P4HB: variants seen among roughly 807,000 people sequenced by gnomAD.
P4HB encodes the protein protein disulfide-isomerase.
Under a neutral mutation model 52.6 loss-of-function variants are expected in P4HB, and 20 were observed. The observed-to-expected ratio is 0.38, with a 90% CI of 0.27 to 0.55. The LOEUF is 0.55. Ranked by LOEUF, P4HB falls within the 20% of genes least tolerant of loss-of-function variation. P4HB has a pLI of 0.74. For synonymous variants in P4HB, 296 were observed against 277.9 expected (o/e 1.07, Z -0.65); for missense variants, 601 against 669.2 (o/e 0.90, Z 1.12).
Position 81,855,497 on chromosome 17 carries a change from A to C in P4HB, c.442T>G (p.Ser148Ala), listed in dbSNP as rs1339726852. Residue 148 changes from serine to alanine, a missense_variant, in exon 3 of 11, where the codon TCC becomes GCC. By Grantham distance (99) the Ser-to-Ala change is moderately conservative (BLOSUM62 1). Coordinates refer to ENST00000331483, the MANE Select transcript of P4HB (RefSeq NM_000918.4). This position sits in a 1 kb window ranked among gnomAD's most constrained non-coding sequence, Gnocchi z 4.3. ...TTLPDGAAAE[S>A]LVESSEVAVI... ...GCCACCTCGCTGGACTCCACCAAGG[A>C]CTCTGCAGCTGCGCCGTCAGGCAGG... 1 of 1,613,738 alleles carries C rather than the reference A, an allele frequency of 6.2e-7. No individual in the cohort carries two copies. The highest frequency in any genetic ancestry group is 8.5e-7 in the Non-Finnish European group (1 of 1,179,972).
At chr17:81,857,987 T>C (rs1012390705) in intron 2 of P4HB, among the ~76,000 whole-genome samples, 5 of 151,940 alleles carry the variant, frequency 3.3e-5, no homozygotes, top group Middle Eastern at 3.4e-3. Context: ...AAAGTGAACA[T>C]GAGTAAAAAA....
rs1344628063 is a variant in P4HB, at chr17:81,860,476, G to T, written c.-5C>A. 3.1e-6 allele frequency: 4 copies of T among 1,310,120 alleles called. No individual in the cohort carries two copies. The highest frequency in any genetic ancestry group is 3.9e-6 in the Non-Finnish European group (4 of 1,027,092). 81.2% of individuals were successfully genotyped at this position (1,310,120 alleles called of 1,614,324 possible). On this transcript the variant is annotated 5_prime_UTR_variant, in exon 1 of 11. Coordinates refer to ENST00000331483, the MANE Select transcript of P4HB (RefSeq NM_000918.4). The stretch of plus-strand genomic sequence containing the variant: ...CAGCAGAGCGCGGCGCAGCATGTCG[G>T]ACACGGATCAGGCGGGGCGCTTCGG...
At chr17:81,856,923 C>T (rs1234425378) in intron 2 of P4HB, among the ~76,000 whole-genome samples, 4 of 152,276 alleles carry the variant, frequency 2.6e-5, no homozygotes, top group East Asian at 1.9e-4. Context: ...GCTGGGATTA[C>T]ATGCGTGAGC....
chr17:81,860,037 C>T (rs2038973989), intron 1 of P4HB: 1 of 290,764 alleles, frequency 3.4e-6, no homozygotes, highest in East Asian at 5.8e-5. Context: ...CTCGGCAAGG[C>T]TGGACACTGG....
rs994049769 is a variant in P4HB at position 81,860,494 on chromosome 17, C to G, written c.-23G>C. ...CATGTCGGACACGGATCAGGCGGGG[C>G]GCTTCGGTTGGCGCCGCCGGGACAG... On this transcript the variant is annotated 5_prime_UTR_variant, in exon 1 of 11. Transcript: ENST00000331483. The G allele has an allele frequency of 8.0e-6, 10 of 1,251,512 alleles. No individual in the cohort carries two copies. Among genetic ancestry groups the G allele is most frequent in the South Asian group, 3.2e-5 (1 of 31,400 alleles). The allele number at this position is 1,251,512 out of a possible 1,614,324, so 77.5% of individuals were successfully genotyped here.
At chr17:81,859,567 A>T in intron 1 of P4HB, 180 bp from the exon 2 acceptor site, 1 of 610,250 alleles carries the variant, frequency 1.6e-6, no homozygotes, top group South Asian at 2.0e-5. Flanking sequence ...GGGCAATATC[A>T]GGACAGAGGC....
chr17:81,845,305 T>A (rs976394188), intron 9 of P4HB, 75 bp from the exon 10 acceptor site: 1 of 1,279,554 alleles, frequency 7.8e-7, no homozygotes, highest in Non-Finnish European at 1.1e-6. Flanking sequence ...TCCTCCTCCC[T>A]AGAGAAAGGC....
At chr17:81,859,871 C>G (rs974766530) in intron 1 of P4HB, 13 of 180,914 alleles carry the variant, frequency 7.2e-5, no homozygotes, top group Non-Finnish European at 1.5e-4. Context: ...CTGTGTCAGG[C>G]ACAAGGTTCC....
intron 4 of P4HB, among the ~76,000 whole-genome samples, chr17:81,851,371 G>C (rs1356240794): frequency 6.6e-6 from 1 of 152,260 alleles, no homozygotes; most frequent in Admixed American, 6.5e-5. Flanking sequence ...GGGCCACCCT[G>C]GCCTGGCCTG....
rs140683347 is a variant in P4HB, at chr17:81,847,334, C to G, written c.638G>C (p.Arg213Pro). 6.2e-7 allele frequency: 1 copy of G among 1,613,754 alleles called. No individual in the cohort carries two copies. The highest frequency in any genetic ancestry group is 1.3e-5 in the African/African-American group (1 of 74,922). The change falls in exon 5 of 11, where the codon CGG (arginine) becomes CCG (proline). Residue 213 changes from arginine (R) to proline (P), a missense_variant. Physicochemically the swap from Arg to Pro is moderately radical, Grantham distance 103 (BLOSUM62 -2). Transcript: ENST00000331483. ...GGTGACCTCCCCTTCAAAGTTGTTC[C>G]GGCCTTCATCAAACTGTGGACAGAA... ...VVLFKKFDEG[R>P]NNFEGEVTKE... is the part of the protein sequence containing the mutation.
At position 81,855,185 on chromosome 17, in the gene P4HB, G is replaced by A; in HGVS notation, c.581C>T (p.Ser194Phe). ...CCCATCTTTGTCGAGCTGGTATTTG[G>A]AGAACACGTCACTGTTGGAAGTGAT... ...FGITSNSDVF[S>F]KYQLDKDGVV... Residue 194 changes from serine (S) to phenylalanine (F), a missense_variant, in exon 4 of 11, where the codon TCC becomes TTC. By Grantham distance (155) the Ser-to-Phe change is radical (BLOSUM62 -2). Transcript: ENST00000331483. The surrounding 1 kb of genome is among the most constrained non-coding windows in gnomAD (Gnocchi z 4.3). 1 of 1,614,094 alleles carries A rather than the reference G, an allele frequency of 6.2e-7. No homozygotes were observed. Among genetic ancestry groups the A allele is most frequent in the South Asian group, 1.1e-5 (1 of 91,088 alleles).
At chr17:81,860,036 G>A (rs922729426) in intron 1 of P4HB, 2 of 288,766 alleles carry the variant, frequency 6.9e-6, no homozygotes, top group African/African-American at 4.4e-5. Context: ...ACTCGGCAAG[G>A]CTGGACACTG....
Position 81,847,274 on chromosome 17 carries a change from T to A in P4HB, c.698A>T (p.Gln233Leu). ...ENLLDFIKHN[Q>L]LPLVIEFTEQ... ...GGTGAACTCGATGACAAGGGGCAGC[T>A]GGTTGTGTTTGATAAAGTCCAGCAG... The change falls in exon 5 of 11, where the codon CAG becomes CTG. Residue 233 changes from glutamine to leucine, a missense_variant. Coordinates refer to ENST00000331483, the MANE Select transcript of P4HB (RefSeq NM_000918.4). 1 of 1,614,142 alleles carries A rather than the reference T, an allele frequency of 6.2e-7. No individual in the cohort carries two copies. The highest frequency in any genetic ancestry group is 1.1e-5 in the South Asian group (1 of 91,086).
intron 5 of P4HB, 60 bp from the exon 6 acceptor site, chr17:81,847,132 C>T: frequency 6.2e-7 from 1 of 1,608,526 alleles, no homozygotes; most frequent in Non-Finnish European, 8.5e-7. Flanking sequence ...AGAAGATTCT[C>T]CCAATGGCCT....
chr17:81,858,459 G>T (rs1028840553), intron 2 of P4HB, among the ~76,000 whole-genome samples: 32 of 152,078 alleles, frequency 2.1e-4, no homozygotes, highest in Non-Finnish European at 1.0e-4. Context: ...GGAGAACCCT[G>T]CTAACACTGG....
At position 81,859,360 on chromosome 17, in the gene P4HB, G is replaced by C; in HGVS notation, c.173C>G (p.Ala58Gly). Residue 58 changes from alanine to glycine, a missense_variant, in exon 2 of 11, where the codon GCT (alanine) becomes GGT (glycine). Coordinates refer to ENST00000331483, the MANE Select transcript of P4HB (RefSeq NM_000918.4). ...FYAPWCGHCK[A>G]LAPEYAKAAG... The stretch of plus-strand genomic sequence containing the variant: ...GGCTTTGGCATACTCAGGGGCCAGA[G>C]CCTTGCAGTGGCCACACCAAGGGGC... 6 of 1,613,812 alleles carry C rather than the reference G, an allele frequency of 3.7e-6. No homozygotes were observed. The highest frequency in any genetic ancestry group is 5.1e-6 in the Non-Finnish European group (6 of 1,180,010).
At position 81,843,986 on chromosome 17, in the gene P4HB, G is replaced by C; in HGVS notation, c.*26C>G. ...GGTGTGCAGCCCCCGAGGGGTCTCG[G>C]CAGCGCCCGGGTCTGGCTTTGCGTA... On this transcript the variant is annotated 3_prime_UTR_variant, in exon 11 of 11. Transcript: ENST00000331483. 1 of 1,573,810 alleles carries C rather than the reference G, an allele frequency of 6.4e-7. No individual in the cohort carries two copies. The highest frequency in any genetic ancestry group is 8.7e-7 in the Non-Finnish European group (1 of 1,143,684).
At position 81,855,845 on chromosome 17, in the gene P4HB, C is replaced by T. The variant is rs1055793729; in HGVS notation, c.353-259G>A. 3 of 417,904 alleles carry T rather than the reference C, an allele frequency of 7.2e-6. No individual in the cohort carries two copies. The Admixed American group carries it at 1.2e-4, about 17-fold the overall frequency. 25.9% of individuals were successfully genotyped at this position (417,904 alleles called of 1,614,324 possible). A position where few individuals can be genotyped will look rare whatever the true frequency, so the allele number is the denominator to read the frequency against. ...GTCTCTGAATAACAGGATCACAAAC[C>T]CATTTTTTTTCTCTGATCTCTCTGC... On this transcript the variant is annotated intron_variant, in intron 2 of 10. Coordinates refer to ENST00000331483, the MANE Select transcript of P4HB (RefSeq NM_000918.4). This position sits in a 1 kb window ranked among gnomAD's most constrained non-coding sequence, Gnocchi z 4.3.
In P4HB at chr17:81,859,184, T is replaced by C; in HGVS notation, c.349A>G (p.Thr117Ala). Residue 117 changes from threonine to alanine, a missense_variant, in exon 2 of 11, where the codon ACA becomes GCA. By Grantham distance (58) the Thr-to-Ala change is moderately conservative. Transcript: ENST00000331483. Reference sequence around the variant, plus strand: ...AAGGGCAGTGCCACAGCCACACCTGTATATTCCTTGGGGGAAGCCGTGTCT... The same window carrying C: ...AAGGGCAGTGCCACAGCCACACCTGCATATTCCTTGGGGGAAGCCGTGTCT... Reference protein sequence around the residue: ...NGDTASPKEYTAGREADDIVN... With the variant: ...NGDTASPKEYAAGREADDIVN... 1 of 1,613,602 alleles carries C rather than the reference T, an allele frequency of 6.2e-7. No individual in the cohort carries two copies.
Sources: gnomAD v4.1 joint callset for allele counts (sites outside exome capture counted in the v4.1 genomes callset) on GRCh38, gnomAD v4.1.1 for gene constraint, Gnocchi (gnomAD v3.1) non-coding constraint, MANE v1.5 for transcripts, NCBI Gene and HGNC (gene_info 2026-07-23, HGNC 2026-07-21) for gene names.